CDYL2: variants seen among roughly 807,000 people sequenced by gnomAD.
CDYL2 encodes chromodomain Y-like protein 2.
CDYL2 carries 23 observed loss-of-function variants against 49.4 expected under a neutral mutation model. The observed-to-expected ratio is 0.47, with a 90% CI of 0.34 to 0.66. CDYL2 has a LOEUF of 0.66. CDYL2 is among the 30% of genes least tolerant of loss of function. CDYL2 has a pLI of 0.01. For synonymous variants in CDYL2, 360 were observed against 268.8 expected, an observed-to-expected ratio of 1.34 and a Z score of -3.32; for missense variants, 678 against 656.4, an observed-to-expected ratio of 1.03 and a Z score of -0.36.
At chr16:80,750,101 G>C (rs11150311) in intron 1 of CDYL2, among the ~76,000 whole-genome samples, 42,050 of 151,716 alleles carry the variant, frequency 0.28, 7,015 homozygotes, top group Middle Eastern at 0.48. Flanking sequence ...GGGGGGATGG[G>C]GGAGGGACAA....
Position 80,606,881 on chromosome 16 carries a change from T to C in CDYL2, c.1362+1211A>G, listed in dbSNP as rs145439388. Among the ~76,000 whole-genome samples the C allele has an allele frequency of 6.1e-3, 934 of 152,304 alleles. 10 individuals carry two copies. Among genetic ancestry groups the C allele is most frequent in the African/African-American group, 0.022 (907 of 41,564 alleles). On this transcript the variant is annotated intron_variant, in intron 6 of 6. Coordinates refer to ENST00000570137, the MANE Select transcript of CDYL2 (RefSeq NM_152342.4). Reference sequence around the variant, plus strand: ...GTCTTGTCTGCCGCCATGTAAGACATGCCTTTGGCCTTCCGCCATGATTGT... The same window carrying C: ...GTCTTGTCTGCCGCCATGTAAGACACGCCTTTGGCCTTCCGCCATGATTGT...
At chr16:80,652,824 C>G (rs541520328) in intron 2 of CDYL2, among the ~76,000 whole-genome samples, 2 of 152,306 alleles carry the variant, frequency 1.3e-5, no homozygotes, top group South Asian at 4.1e-4. Context: ...CAAATCCCAA[C>G]TGAGGGACAT....
intron 1 of CDYL2, among the ~76,000 whole-genome samples, chr16:80,722,287 C>T (rs1333894061): frequency 1.3e-5 from 2 of 152,172 alleles, no homozygotes; most frequent in African/African-American, 4.8e-5. Flanking sequence ...TGATCTGGAG[C>T]AGGGCTGGGC....
At chr16:80,652,838 A>G (rs943969968) in intron 2 of CDYL2, among the ~76,000 whole-genome samples, 42 of 152,338 alleles carry the variant, frequency 2.8e-4, no homozygotes, top group Non-Finnish European at 3.7e-4. Context: ...GGGACATTCT[A>G]CAAAATACCA....
At chr16:80,703,902 T>TC (rs1904322988) in intron 1 of CDYL2, among the ~76,000 whole-genome samples, 1 of 152,096 alleles carries the variant, frequency 6.6e-6, no homozygotes. Context: ...AGCAGCCACC[T>TC]CCCTTCTCTT....
intron 2 of CDYL2, among the ~76,000 whole-genome samples, chr16:80,661,993 C>T (rs561959097): frequency 1.4e-4 from 21 of 152,260 alleles, no homozygotes; most frequent in African/African-American, 5.1e-4. Flanking sequence ...ACAACATACC[C>T]CACGCCAAAT....
chr16:80,636,988 G>A (rs1018658722), intron 2 of CDYL2, among the ~76,000 whole-genome samples: 2 of 152,160 alleles, frequency 1.3e-5, no homozygotes, highest in Non-Finnish European at 2.9e-5. Context: ...TCACTCATAA[G>A]TGAGAGTTGA....
In CDYL2 at chr16:80,598,468, G is replaced by A. The variant is rs377652727; in HGVS notation, c.*5920C>T. 6.6e-6 allele frequency: 1 copy of A among 152,122 alleles called. No individual in the cohort carries two copies. Among genetic ancestry groups the A allele is most frequent in the African/African-American group, 2.4e-5 (1 of 41,422 alleles). 9.4% of individuals were successfully genotyped at this position (152,122 alleles called of 1,614,324 possible). ...CATGAATGAGAATGGAGAGAGAACT[G>A]AAGACAATTCTTCTCACACCTAACA... On this transcript the variant is annotated 3_prime_UTR_variant, in exon 7 of 7. Coordinates refer to ENST00000570137, the MANE Select transcript of CDYL2 (RefSeq NM_152342.4).
chr16:80,680,932 C>T (rs960014653), intron 2 of CDYL2, among the ~76,000 whole-genome samples: 3 of 152,050 alleles, frequency 2.0e-5, no homozygotes, highest in South Asian at 2.1e-4. Context: ...AGATGGGCCC[C>T]GGACCACAAA....
intron 1 of CDYL2, among the ~76,000 whole-genome samples, chr16:80,726,473 A>G (rs181839803): frequency 6.6e-6 from 1 of 152,378 alleles, no homozygotes; most frequent in East Asian, 1.9e-4. Flanking sequence ...TATTTAGAGC[A>G]AGTTTTAAAC....
chr16:80,725,167 A>AACATAT (rs1905124063), intron 1 of CDYL2, among the ~76,000 whole-genome samples: 1 of 151,174 alleles, frequency 6.6e-6, no homozygotes, highest in Non-Finnish European at 1.5e-5. Context: ...ACACCTGTGC[A>AACATAT]ACACATACAC....
chr16:80,617,277 T>C (rs1906874465), intron 4 of CDYL2, among the ~76,000 whole-genome samples: 1 of 152,164 alleles, frequency 6.6e-6, no homozygotes, highest in South Asian at 2.1e-4. Context: ...GCCAAGGCCA[T>C]GCGGCATGCC....
chr16:80,670,479 T>G (rs928470021), intron 2 of CDYL2, among the ~76,000 whole-genome samples: 4 of 152,156 alleles, frequency 2.6e-5, no homozygotes, highest in Non-Finnish European at 5.9e-5. Context: ...TGGGGAACCG[T>G]GAGTCAATTA....
intron 1 of CDYL2, among the ~76,000 whole-genome samples, chr16:80,774,753 T>C (rs1392873654): frequency 2.0e-5 from 3 of 152,002 alleles, no homozygotes; most frequent in Non-Finnish European, 4.4e-5. Flanking sequence ...TTTTCAACAC[T>C]TCATAAGATG....
chr16:80,729,969 T>C (rs1905274408), intron 1 of CDYL2, among the ~76,000 whole-genome samples: 1 of 152,094 alleles, frequency 6.6e-6, no homozygotes, highest in Non-Finnish European at 1.5e-5. Context: ...GAGGGAAATT[T>C]ATAGCACTAA....
rs1022730941 is a variant in CDYL2 at position 80,780,397 on chromosome 16, C to CTTTT, written c.24+23749_24+23752dup. Reference sequence around the variant, plus strand: ...GGAAAATGATACAGATGCACAATATCTTTTTTTTTTTTTTTTTTTTTTTTG... The same window carrying CTTTT: ...GGAAAATGATACAGATGCACAATATCTTTTTTTTTTTTTTTTTTTTTTTTTTTTG... On this transcript the variant is annotated intron_variant, in intron 1 of 6. Transcript: ENST00000570137. 5.9e-4 allele frequency among the ~76,000 whole-genome samples: 62 copies of CTTTT among 105,356 alleles called. 1 individual carries two copies. Among genetic ancestry groups the CTTTT allele is most frequent in the African/African-American group, 7.1e-4 (18 of 25,328 alleles). The allele number at this position is 105,356 out of a possible 152,430, so 69.1% of individuals were successfully genotyped here. A position where few individuals can be genotyped will look rare whatever the true frequency, so the allele number is the denominator to read the frequency against.
intron 1 of CDYL2, among the ~76,000 whole-genome samples, chr16:80,708,232 A>G (rs1243202718): frequency 6.6e-6 from 1 of 152,190 alleles, no homozygotes; most frequent in East Asian, 1.9e-4. Context: ...TTGAATTGTA[A>G]TAATCCCCAC....
chr16:80,629,822 G>T (rs1441488150), intron 3 of CDYL2, among the ~76,000 whole-genome samples: 2 of 152,140 alleles, frequency 1.3e-5, no homozygotes, highest in Admixed American at 6.5e-5. Flanking sequence ...CACAAGCAAG[G>T]CAATGTCTGC....
At chr16:80,681,502 AT>A (rs1363192556) in intron 2 of CDYL2, among the ~76,000 whole-genome samples, 1 of 152,198 alleles carries the variant, frequency 6.6e-6, no homozygotes, top group African/African-American at 2.4e-5. Context: ...GAACCACGGC[AT>A]CCCCTGTCTT....
Sources: gnomAD v4.1 joint callset for allele counts (sites outside exome capture counted in the v4.1 genomes callset) on GRCh38, gnomAD v4.1.1 for gene constraint, MANE v1.5 for transcripts, NCBI Gene and HGNC (gene_info 2026-07-23, HGNC 2026-07-21) for gene names.